The following FREM1 variants were observed in gnomAD, a reference collection of about 807,000 sequenced individuals.
FREM1 encodes FRAS1-related extracellular matrix protein 1.
Under a neutral mutation model 210.1 loss-of-function variants are expected in FREM1, and 220 were observed. The observed-to-expected ratio is 1.05, with a 90% CI of 0.94 to 1.17. FREM1 has a LOEUF of 1.17. Ranked by LOEUF, FREM1 falls within the 50% of genes most tolerant of loss-of-function variation. FREM1 has a pLI of 0.00. For missense variants in FREM1, 3,454 were observed against 2,675.5 expected (o/e 1.29, Z -6.42); for synonymous variants, 1,189 against 980.2 (o/e 1.21, Z -3.98).
At chr9:14,774,511 A>ATCTCTCTCTCTCTC (rs36211636) in intron 25 of FREM1, among the ~76,000 whole-genome samples, 21 of 136,340 alleles carry the variant, frequency 1.5e-4, no homozygotes, top group East Asian at 1.2e-3. Context: ...CCTAAAATAA[A>ATCTCTCTCTCTCTC]TCTCTCTCTC....
intron 25 of FREM1, among the ~76,000 whole-genome samples, chr9:14,774,511 ATC>A (rs36211636): frequency 0.032 from 4,394 of 135,774 alleles, 63 homozygotes; most frequent in East Asian, 0.072. Context: ...CCTAAAATAA[ATC>A]TCTCTCTCTC....
intron 3 of FREM1, among the ~76,000 whole-genome samples, chr9:14,860,546 C>CATATATATATACACAT (rs374788202): frequency 0.07 from 7,327 of 104,074 alleles, 1,205 homozygotes; most frequent in East Asian, 0.32. Flanking sequence ...TATATATACA[C>CATATATATATACACAT]ATATATATAC....
intron 16 of FREM1, among the ~76,000 whole-genome samples, chr9:14,812,169 G>A (rs1190864562): frequency 6.6e-6 from 1 of 152,150 alleles, no homozygotes; most frequent in Non-Finnish European, 1.5e-5. Context: ...ACCCCACAGT[G>A]CTTAGTGCTA....
At position 14,859,334 on chromosome 9, in the gene FREM1, T is replaced by C; in HGVS notation, c.480A>G (p.Arg160=). 1.2e-6 allele frequency: 2 copies of C among 1,613,894 alleles called. No individual in the cohort carries two copies. The highest frequency in any genetic ancestry group is 1.7e-6 in the Non-Finnish European group (2 of 1,179,868). The part of the protein sequence containing the change: ...LSQAIDKNLL[R]FDYDRMASLE... The stretch of plus-strand genomic sequence containing the variant: ...GGCTAGCCATCCTATCATAATCGAA[T>C]CTGAGCAGATTTTTATCAATCGCTT... The change falls in exon 4 of 37, where the codon AGA becomes AGG. Residue 160 remains arginine, a synonymous_variant. Coordinates refer to ENST00000380880, the MANE Select transcript of FREM1 (RefSeq NM_001379081.2).
chr9:14,756,235 T>A, intron 29 of FREM1, 139 bp downstream of exon 29: 19 of 626,658 alleles, frequency 3.0e-5, no homozygotes. Flanking sequence ...TCTTTTAGAG[T>A]GAGGTGGTAT....
intron 29 of FREM1, among the ~76,000 whole-genome samples, chr9:14,755,551 G>T (rs893466670): frequency 6.6e-6 from 1 of 152,342 alleles, no homozygotes; most frequent in East Asian, 1.9e-4. Context: ...GTGGCATGCA[G>T]TGAGTGAGGC....
rs1440329657 is a variant in FREM1, at chr9:14,797,481, C to A, written c.3839+17G>T. The A allele has an allele frequency of 8.8e-6, 14 of 1,595,476 alleles. No individual in the cohort carries two copies. The East Asian group carries it at 1.3e-4, about 15-fold the overall frequency. On this transcript the variant is annotated intron_variant, in intron 21 of 36. Coordinates refer to ENST00000380880, the MANE Select transcript of FREM1 (RefSeq NM_001379081.2). ...ATTGTATAGAAATCTGAAAGGGACT[C>A]TTTTCAGGTAGCTTACTTGCTCAGC... is the stretch of plus-strand genomic sequence containing the variant.
intron 1 of FREM1, among the ~76,000 whole-genome samples, chr9:14,902,304 T>C (rs943758752): frequency 6.6e-6 from 1 of 152,220 alleles, no homozygotes; most frequent in Admixed American, 6.5e-5. Flanking sequence ...AAACACTATA[T>C]GATCTCTGAC....
chr9:14,774,511 A>ATCTCTCTCTCTCTCTC (rs36211636), intron 25 of FREM1, among the ~76,000 whole-genome samples: 4 of 136,258 alleles, frequency 2.9e-5, no homozygotes, highest in East Asian at 2.3e-4. Flanking sequence ...CCTAAAATAA[A>ATCTCTCTCTCTCTCTC]TCTCTCTCTC....
rs117166434 is a variant in FREM1 at position 14,798,039 on chromosome 9, G to A, written c.3695-397C>T. ...AGGTCAAAACTTAAATATTAACAAT[G>A]TAACTGTTTTTTTTAAATCTACCTA... On this transcript the variant is annotated intron_variant, in intron 20 of 36. Coordinates refer to ENST00000380880, the MANE Select transcript of FREM1 (RefSeq NM_001379081.2). Among the ~76,000 whole-genome samples, 18 of 152,168 alleles carry A rather than the reference G, an allele frequency of 1.2e-4. No homozygotes were observed. In the East Asian group the frequency reaches 3.1e-3, roughly 26 times the overall value.
intron 10 of FREM1, among the ~76,000 whole-genome samples, chr9:14,830,926 T>A (rs1443336706): frequency 6.6e-6 from 1 of 152,234 alleles, no homozygotes; most frequent in Non-Finnish European, 1.5e-5. Flanking sequence ...TTCGCCTCTA[T>A]ATTAAAATAA....
At chr9:14,818,169 A>C (rs1820643420) in intron 14 of FREM1, among the ~76,000 whole-genome samples, 1 of 152,264 alleles carries the variant, frequency 6.6e-6, no homozygotes, top group Non-Finnish European at 1.5e-5. Flanking sequence ...AGCCTCTGAC[A>C]GTATGCTTGA....
chr9:14,748,956 G>C (rs1587686065), intron 30 of FREM1, among the ~76,000 whole-genome samples: 1 of 152,084 alleles, frequency 6.6e-6, no homozygotes, highest in Non-Finnish European at 1.5e-5. Flanking sequence ...TCTTATTATA[G>C]TATTCCCCAA....
chr9:14,760,241 G>T (rs1015331168), intron 27 of FREM1, among the ~76,000 whole-genome samples: 2 of 152,216 alleles, frequency 1.3e-5, no homozygotes, highest in African/African-American at 4.8e-5. Flanking sequence ...ACCAGCAGTT[G>T]TTAAGTTCAA....
At chr9:14,758,589 T>A (rs7026238) in intron 28 of FREM1, among the ~76,000 whole-genome samples, 25,120 of 151,134 alleles carry the variant, frequency 0.17, 2,210 homozygotes, top group Admixed American at 0.23. Flanking sequence ...CTTCTGAGAG[T>A]GATTTGAGTT....
At chr9:14,771,577 T>G (rs954116) in intron 25 of FREM1, among the ~76,000 whole-genome samples, 2 of 151,950 alleles carry the variant, frequency 1.3e-5, no homozygotes, top group Admixed American at 1.3e-4. Flanking sequence ...TTGTAGGTTA[T>G]GGATGGAGCA....
chr9:14,855,582 C>A (rs999038275), intron 5 of FREM1, among the ~76,000 whole-genome samples: 8 of 150,458 alleles, frequency 5.3e-5, no homozygotes, highest in African/African-American at 2.0e-4. Context: ...TGCACTCATG[C>A]ACATGTGTGT....
chr9:14,799,296 A>G (rs1266818108), intron 20 of FREM1, among the ~76,000 whole-genome samples: 1 of 152,122 alleles, frequency 6.6e-6, no homozygotes, highest in African/African-American at 2.4e-5. Context: ...CAAAAAAAAA[A>G]AAGGTAAGAA....
intron 27 of FREM1, among the ~76,000 whole-genome samples, chr9:14,766,835 T>A (rs1198832539): frequency 1.3e-5 from 2 of 152,196 alleles, no homozygotes; most frequent in Non-Finnish European, 2.9e-5. Context: ...TTTAGCTCAT[T>A]GATTAATATG....
Sources: gnomAD v4.1 joint callset for allele counts (sites outside exome capture counted in the v4.1 genomes callset) on GRCh38, gnomAD v4.1.1 for gene constraint, MANE v1.5 for transcripts, NCBI Gene and HGNC (gene_info 2026-07-23, HGNC 2026-07-21) for gene names.